HDX: variants seen among roughly 807,000 people sequenced by gnomAD.
The protein encoded by HDX is highly divergent homeobox.
In HDX, 19 loss-of-function variants were observed where a neutral mutation model predicts 45.2. That is an observed-to-expected ratio of 0.42 (90% CI 0.29 to 0.62). The LOEUF (loss-of-function observed/expected upper bound fraction) is 0.62, where lower values mean the gene tolerates loss of function less well. HDX is among the 20% of genes least tolerant of loss of function. The pLI is 0.20. For missense variants in HDX, 532 were observed against 493.9 expected (o/e 1.08, Z -0.73); for synonymous variants, 188 against 172.8 (o/e 1.09, Z -0.69).
intron 1 of HDX, among the ~76,000 whole-genome samples, chrX:84,497,691 C>CTGTG (rs3085364): frequency 1.9e-5 from 2 of 103,868 alleles, no homozygotes; most frequent in Admixed American, 1.0e-4. Context: ...TGTTATATGA[C>CTGTG]TGTGTGTGTG....
chrX:84,477,229 G>A (rs1192153934), intron 2 of HDX, among the ~76,000 whole-genome samples: 1 of 111,239 alleles, frequency 9.0e-6, no homozygotes, highest in Non-Finnish European at 1.9e-5. Context: ...TGAGGACAAT[G>A]GTATACTTCA....
At chrX:84,497,371 C>A (rs1367757447) in intron 1 of HDX, among the ~76,000 whole-genome samples, 1 of 111,513 alleles carries the variant, frequency 9.0e-6, no homozygotes, top group Non-Finnish European at 1.9e-5. Flanking sequence ...GTACATTAAG[C>A]TAGCCAAATA....
chrX:84,364,133 C>T lies in HDX; in HGVS notation c.1306-2521G>A, dbSNP rs146447858. 2.5e-3 allele frequency among the ~76,000 whole-genome samples: 280 copies of T among 111,513 alleles called. 1 individual carries two copies. Among genetic ancestry groups the T allele is most frequent in the African/African-American group, 8.8e-3 (272 of 30,756 alleles). Reference sequence around the variant, plus strand: ...AAATGACAACACCGATATAGGGATGCAGAGTTTCCTGTTTTAAGTATGTAT... The same window carrying T: ...AAATGACAACACCGATATAGGGATGTAGAGTTTCCTGTTTTAAGTATGTAT... On this transcript the variant is annotated intron_variant, in intron 5 of 10. Coordinates refer to ENST00000373177, the MANE Select transcript of HDX (RefSeq NM_001177479.2).
chrX:84,343,208 C>A (rs777400077), intron 7 of HDX, among the ~76,000 whole-genome samples: 5 of 110,493 alleles, frequency 4.5e-5, no homozygotes, highest in South Asian at 3.8e-4. Flanking sequence ...GATGGTTGTA[C>A]AACTGCATAA....
In HDX at chrX:84,321,126, G is replaced by C. The variant is rs1369802226; in HGVS notation, c.*763C>G. On this transcript the variant is annotated 3_prime_UTR_variant, in exon 11 of 11. Transcript: ENST00000373177. ...ACCCAGGTATACAAATTTACTACTG[G>C]AATGTCAATCGTATCAATACTTGTC... is the stretch of plus-strand genomic sequence containing the variant. 1 of 110,932 alleles carries C rather than the reference G, an allele frequency of 9.0e-6. No individual in the cohort carries two copies. Among genetic ancestry groups the C allele is most frequent in the Non-Finnish European group, 1.9e-5 (1 of 52,466 alleles). The allele number at this position is 110,932 out of a possible 1,213,427, so 9.1% of individuals were successfully genotyped here. A position where few individuals can be genotyped will look rare whatever the true frequency, so the allele number is the denominator to read the frequency against.
intron 6 of HDX, among the ~76,000 whole-genome samples, chrX:84,349,609 G>GTGTGTGTATATATATA: frequency 1.3e-5 from 1 of 77,570 alleles, no homozygotes; most frequent in South Asian, 6.2e-4. Flanking sequence ...ATGTGTGTGT[G>GTGTGTGTATATATATA]TATATATATA....
chrX:84,375,015 C>T (rs1262130710), intron 5 of HDX, among the ~76,000 whole-genome samples: 1 of 105,530 alleles, frequency 9.5e-6, no homozygotes, highest in Non-Finnish European at 1.9e-5. Context: ...GGCTAATATC[C>T]AGAATCTACA....
chrX:84,458,716 C>T (rs2040168161), intron 4 of HDX, among the ~76,000 whole-genome samples: 1 of 111,297 alleles, frequency 9.0e-6, no homozygotes, highest in African/African-American at 3.3e-5. Flanking sequence ...ATCATGTACC[C>T]ACACATGATA....
chrX:84,425,817 G>C (rs1195662520), intron 5 of HDX, among the ~76,000 whole-genome samples: 3 of 110,007 alleles, frequency 2.7e-5, no homozygotes, highest in Non-Finnish European at 3.8e-5. Flanking sequence ...GAAGGGTAGT[G>C]GGGAGGTACA....
At chrX:84,421,635 TAA>T (rs56249555) in intron 5 of HDX, among the ~76,000 whole-genome samples, 1 of 96,802 alleles carries the variant, frequency 1.0e-5, no homozygotes. Context: ...CTGAATGCAT[TAA>T]AAAAAAAAAA....
chrX:84,380,999 G>A (rs1444906585), intron 5 of HDX, among the ~76,000 whole-genome samples: 5 of 110,955 alleles, frequency 4.5e-5, no homozygotes, highest in South Asian at 3.7e-4. Context: ...ATTTAGAACC[G>A]ATAAATTCAG....
chrX:84,483,439 A>T (rs1262124406), intron 2 of HDX, among the ~76,000 whole-genome samples: 3 of 112,442 alleles, frequency 2.7e-5, no homozygotes, highest in African/African-American at 9.7e-5. Flanking sequence ...TAAGCCACCA[A>T]GGTTTAGGTG....
At chrX:84,324,694 A>G (rs982534932) in intron 10 of HDX, among the ~76,000 whole-genome samples, 18 of 111,394 alleles carry the variant, frequency 1.6e-4, no homozygotes, top group Non-Finnish European at 3.4e-4. Context: ...ATGAAGTTAG[A>G]ATTAGAAAAT....
chrX:84,451,370 A>G (rs1275659057), intron 4 of HDX, among the ~76,000 whole-genome samples: 1 of 111,175 alleles, frequency 9.0e-6, no homozygotes, highest in Non-Finnish European at 1.9e-5. Context: ...AATACAAAAG[A>G]TCATCAGAGA....
In HDX at chrX:84,344,903, C is replaced by T. The variant is rs185440057; in HGVS notation, c.1453-446G>A. Reference sequence around the variant, plus strand: ...TTTTTTCTGTTTTTGTTTTGTTTCTCGAGAAAACGATTCACCAAATCTTTT... The same window carrying T: ...TTTTTTCTGTTTTTGTTTTGTTTCTTGAGAAAACGATTCACCAAATCTTTT... On this transcript the variant is annotated intron_variant, in intron 6 of 10. Transcript: ENST00000373177. Among the ~76,000 whole-genome samples, 547 of 110,687 alleles carry T rather than the reference C, an allele frequency of 4.9e-3. 4 individuals are homozygous for T. Among genetic ancestry groups the T allele is most frequent in the African/African-American group, 0.017 (522 of 30,637 alleles).
intron 4 of HDX, among the ~76,000 whole-genome samples, chrX:84,467,082 C>T (rs185607262): frequency 9.0e-6 from 1 of 111,140 alleles, no homozygotes; most frequent in Non-Finnish European, 1.9e-5. Flanking sequence ...TCTAAGCATG[C>T]TTCTTTAAAG....
chrX:84,328,635 G>A (rs1461841412), intron 9 of HDX, among the ~76,000 whole-genome samples: 2 of 111,405 alleles, frequency 1.8e-5, no homozygotes. Context: ...AATATCATTT[G>A]TTCTTAAAGA....
chrX:84,324,405 A>G (rs1180240457), intron 10 of HDX, among the ~76,000 whole-genome samples: 1 of 111,690 alleles, frequency 9.0e-6, no homozygotes, highest in East Asian at 2.8e-4. Context: ...TACCTAGATA[A>G]CTTTTTTGGA....
chrX:84,332,357 A>G (rs761530166), intron 9 of HDX, among the ~76,000 whole-genome samples: 6 of 111,700 alleles, frequency 5.4e-5, no homozygotes, highest in Admixed American at 1.9e-4. Context: ...CTTTGTTTCC[A>G]CAGAATTTAT....
Sources: allele counts gnomAD v4.1 joint callset (sites outside exome capture counted in the v4.1 genomes callset), GRCh38; gene constraint gnomAD v4.1.1; transcripts MANE v1.5; gene names NCBI Gene and HGNC (gene_info 2026-07-23, HGNC 2026-07-21).